Variants in MYO3B observed in about 807,000 individuals in gnomAD.
MYO3B encodes myosin-IIIb.
MYO3B carries 156 observed loss-of-function variants against 174.6 expected under a neutral mutation model. The observed-to-expected ratio is 0.89, with a 90% CI of 0.78 to 1.02. The LOEUF (loss-of-function observed/expected upper bound fraction) is 1.02. MYO3B is among the 50% of genes least tolerant of loss of function. MYO3B has a pLI of 0.00. For missense variants in MYO3B, 1,632 were observed against 1,639.4 expected (o/e 1.00, Z 0.08); for synonymous variants, 563 against 569.1 (o/e 0.99, Z 0.15).
At position 170,400,186 on chromosome 2, in the gene MYO3B, A is replaced by G; in HGVS notation, c.1792-2A>G. 6.2e-7 allele frequency: 1 copy of G among 1,613,996 alleles called. No individual in the cohort carries two copies. Among genetic ancestry groups the G allele is most frequent in the Non-Finnish European group, 8.5e-7 (1 of 1,179,930 alleles). On this transcript the variant is annotated splice_acceptor_variant, in intron 16 of 34. Coordinates refer to ENST00000408978, the MANE Select transcript of MYO3B (RefSeq NM_138995.5). LOFTEE classifies it high-confidence loss of function. ...ATATATGGTTCTTGATGTCCTTTTC[A>G]GGAGGTGCACTCAGTGTACAGAATT...
At chr2:170,545,296 A>G (rs963211564) in intron 32 of MYO3B, among the ~76,000 whole-genome samples, 20 of 152,208 alleles carry the variant, frequency 1.3e-4, no homozygotes, top group African/African-American at 4.8e-4. Flanking sequence ...TCCTTACCTT[A>G]GTACCTACAC....
chr2:170,301,447 T>G (rs1485933493), intron 7 of MYO3B, among the ~76,000 whole-genome samples: 1 of 152,192 alleles, frequency 6.6e-6, no homozygotes, highest in African/African-American at 2.4e-5. Context: ...ATCACTCTAT[T>G]TTTATACATT....
chr2:170,501,830 A>G lies in MYO3B; in HGVS notation c.3335A>G (p.Asn1112Ser). Residue 1112 changes from asparagine (N) to serine (S), a missense_variant, in exon 28 of 35, where the codon AAC (asparagine) becomes AGC (serine). By Grantham distance (46) the Asn-to-Ser change is conservative. Coordinates refer to ENST00000408978, the MANE Select transcript of MYO3B (RefSeq NM_138995.5). Reference sequence around the variant, plus strand: ...CGGAGGAAATTTAAGAAAATAAGCAACAGAAGGAATGAGTCTGCTGCTCAT... The same window carrying G: ...CGGAGGAAATTTAAGAAAATAAGCAGCAGAAGGAATGAGTCTGCTGCTCAT... ...DARRKFKKIS[N>S]RRNESAAHNQ... 6.2e-7 allele frequency: 1 copy of G among 1,613,034 alleles called. No homozygotes were observed. The highest frequency in any genetic ancestry group is 8.5e-7 in the Non-Finnish European group (1 of 1,179,012).
At chr2:170,466,394 T>C in intron 24 of MYO3B, 112 bp from the exon 25 acceptor site, 1 of 904,376 alleles carries the variant, frequency 1.1e-6, no homozygotes, top group African/African-American at 1.6e-5. Context: ...ATGTTCTTCC[T>C]CAAGAAGGTC....
chr2:170,226,367 G>C (rs2092952327), intron 6 of MYO3B, among the ~76,000 whole-genome samples: 1 of 152,154 alleles, frequency 6.6e-6, no homozygotes, highest in Admixed American at 6.5e-5. Context: ...TGTGTGTCAG[G>C]CTCAAAGAAA....
In MYO3B at chr2:170,484,147, A is replaced by G. The variant is rs567411374; in HGVS notation, c.3015-14445A>G. Among the ~76,000 whole-genome samples, 120 of 152,298 alleles carry G rather than the reference A, an allele frequency of 7.9e-4. 2 individuals carry two copies. The South Asian group carries it at 0.024, about 30-fold the overall frequency. The stretch of plus-strand genomic sequence containing the variant: ...AGAGATGGACATTTATTGAGAACCT[A>G]CTGATGGTGGGCTTCATGCTAGGGT... On this transcript the variant is annotated intron_variant, in intron 25 of 34. Transcript: ENST00000408978.
intron 32 of MYO3B, among the ~76,000 whole-genome samples, chr2:170,593,481 G>A (rs755144174): frequency 6.6e-6 from 1 of 152,198 alleles, no homozygotes; most frequent in Non-Finnish European, 1.5e-5. Context: ...GTTTACCTAA[G>A]TCAGTTGATT....
chr2:170,523,076 A>C (rs1688782857), intron 30 of MYO3B, among the ~76,000 whole-genome samples: 1 of 152,160 alleles, frequency 6.6e-6, no homozygotes, highest in Non-Finnish European at 1.5e-5. Context: ...CTCACACCAC[A>C]CTTTGGTGTT....
chr2:170,494,723 G>A (rs539440424), intron 25 of MYO3B, among the ~76,000 whole-genome samples: 259 of 50,826 alleles, frequency 5.1e-3, no homozygotes, highest in Non-Finnish European at 7.3e-3. Context: ...GTTAAACTGC[G>A]TCTCAAAAAA....
At chr2:170,324,251 C>T (rs992182632) in intron 7 of MYO3B, among the ~76,000 whole-genome samples, 1 of 152,136 alleles carries the variant, frequency 6.6e-6, no homozygotes, top group African/African-American at 2.4e-5. Flanking sequence ...TTGCTGGATC[C>T]CTTTTTCTAC....
At chr2:170,646,401 T>C (rs1251046644) in intron 32 of MYO3B, among the ~76,000 whole-genome samples, 1 of 152,092 alleles carries the variant, frequency 6.6e-6, no homozygotes, top group African/African-American at 2.4e-5. Context: ...TCTGGGTTTT[T>C]TTCTTTTTTT....
chr2:170,603,110 T>G (rs1694619643), intron 32 of MYO3B, among the ~76,000 whole-genome samples: 1 of 151,968 alleles, frequency 6.6e-6, no homozygotes, highest in Admixed American at 6.6e-5. Context: ...CTTCTAAACC[T>G]TCATAAACTT....
rs181350105 is a variant in MYO3B, at chr2:170,440,005, C to A, written c.2651-3962C>A. Among the ~76,000 whole-genome samples, 182 of 152,272 alleles carry A rather than the reference C, an allele frequency of 1.2e-3. 1 individual carries two copies. The highest frequency in any genetic ancestry group is 4.2e-3 in the African/African-American group (175 of 41,548). On this transcript the variant is annotated intron_variant, in intron 22 of 34. Coordinates refer to ENST00000408978, the MANE Select transcript of MYO3B (RefSeq NM_138995.5). ...ATAGTTTCAGTTCTTGCATTTTAAT[C>A]TTCAAGCCATTTTGATATGATTTTT...
At chr2:170,556,849 G>A (rs568915311) in intron 32 of MYO3B, among the ~76,000 whole-genome samples, 1 of 152,252 alleles carries the variant, frequency 6.6e-6, no homozygotes, top group African/African-American at 2.4e-5. Flanking sequence ...TAGTTGTGTA[G>A]TCACATCTCA....
intron 7 of MYO3B, among the ~76,000 whole-genome samples, chr2:170,321,748 G>T (rs546089841): frequency 7.2e-5 from 11 of 152,242 alleles, no homozygotes; most frequent in African/African-American, 1.9e-4. Flanking sequence ...TAATTAAGAT[G>T]CAGTATCAGT....
chr2:170,545,225 G>A (rs1690401632), intron 32 of MYO3B, among the ~76,000 whole-genome samples: 1 of 152,090 alleles, frequency 6.6e-6, no homozygotes, highest in South Asian at 2.1e-4. Context: ...ACAGGTTCTG[G>A]CATCAGACCT....
At chr2:170,589,226 G>A (rs1043187783) in intron 32 of MYO3B, among the ~76,000 whole-genome samples, 5 of 152,102 alleles carry the variant, frequency 3.3e-5, no homozygotes, top group African/African-American at 9.7e-5. Context: ...AAAGGTTTTC[G>A]ATAATACAGA....
intron 7 of MYO3B, among the ~76,000 whole-genome samples, chr2:170,292,637 G>A (rs760830436): frequency 2.0e-4 from 31 of 152,082 alleles, no homozygotes; most frequent in African/African-American, 3.6e-4. Context: ...GCCCAGGTCC[G>A]CGTTAGCTCT....
intron 32 of MYO3B, among the ~76,000 whole-genome samples, chr2:170,593,061 A>C (rs1693918239): frequency 6.6e-6 from 1 of 152,120 alleles, no homozygotes; most frequent in Non-Finnish European, 1.5e-5. Context: ...CTGTACATAG[A>C]TCTGTCTGTC....
Sources: gnomAD v4.1 joint callset for allele counts (sites outside exome capture counted in the v4.1 genomes callset) on GRCh38, gnomAD v4.1.1 for gene constraint, MANE v1.5 for transcripts, NCBI Gene and HGNC (gene_info 2026-07-23, HGNC 2026-07-21) for gene names.